The following DOCK1 variants were observed in gnomAD, a reference collection of about 807,000 sequenced individuals.
DOCK1 encodes dedicator of cytokinesis 1.
DOCK1 carries 138 observed loss-of-function variants against 262.7 expected under a neutral mutation model. The ratio of observed to expected loss-of-function variants is 0.53; its 90% CI spans 0.46 to 0.61. The LOEUF is 0.61. DOCK1 is among the 20% of genes least tolerant of loss of function. DOCK1 has a pLI of 0.00. For synonymous variants in DOCK1, 866 were observed against 867.4 expected (o/e 1.00, Z 0.03); for missense variants, 1,908 against 2,370.7 (o/e 0.80, Z 4.05).
At chr10:127,151,134 C>G (rs904885242) in intron 27 of DOCK1, among the ~76,000 whole-genome samples, 4 of 152,158 alleles carry the variant, frequency 2.6e-5, no homozygotes, top group African/African-American at 9.7e-5. Flanking sequence ...AAACTCTTAT[C>G]CAACATAATA....
At chr10:126,991,210 C>T (rs1376721442) in intron 6 of DOCK1, among the ~76,000 whole-genome samples, 2 of 152,278 alleles carry the variant, frequency 1.3e-5, no homozygotes, top group Non-Finnish European at 2.9e-5. Context: ...TAGTGCTCAC[C>T]CCTGCCTACA....
intron 23 of DOCK1, among the ~76,000 whole-genome samples, chr10:127,071,598 CATTTT>C (rs1211950552): frequency 2.0e-5 from 3 of 152,112 alleles, no homozygotes; most frequent in African/African-American, 7.2e-5. Context: ...ATTTTTTTAT[CATTTT>C]ATCACAACAC....
chr10:126,932,880 C>A (rs947775091), intron 1 of DOCK1, among the ~76,000 whole-genome samples: 39 of 152,288 alleles, frequency 2.6e-4, no homozygotes, highest in African/African-American at 9.1e-4. Flanking sequence ...AGGCCAAGAA[C>A]TGGGCCCAGT....
intron 38 of DOCK1, among the ~76,000 whole-genome samples, chr10:127,395,584 G>A (rs2066774994): frequency 6.6e-6 from 1 of 152,186 alleles, no homozygotes; most frequent in Admixed American, 6.5e-5. Context: ...AGGACCCAAT[G>A]GAAATTTCGT....
intron 27 of DOCK1, among the ~76,000 whole-genome samples, chr10:127,212,717 GA>G (rs1291757185): frequency 6.8e-6 from 1 of 147,858 alleles, no homozygotes; most frequent in Non-Finnish European, 1.5e-5. Context: ...ACCTGACCAT[GA>G]TGGCAGCTTC....
chr10:127,079,069 A>G (rs2046744459), intron 23 of DOCK1, among the ~76,000 whole-genome samples: 1 of 152,228 alleles, frequency 6.6e-6, no homozygotes, highest in South Asian at 2.1e-4. Context: ...GTTGAAAGGC[A>G]CAAATCTGAA....
chr10:127,177,449 C>A (rs1276480853), intron 27 of DOCK1, among the ~76,000 whole-genome samples: 4 of 152,212 alleles, frequency 2.6e-5, no homozygotes, highest in African/African-American at 9.6e-5. Context: ...GCGCTTAAAG[C>A]AAGAAAATAG....
intron 30 of DOCK1, among the ~76,000 whole-genome samples, chr10:127,340,603 G>A (rs932366134): frequency 2.0e-5 from 3 of 152,182 alleles, no homozygotes; most frequent in Non-Finnish European, 4.4e-5. Context: ...TATGGAAAAG[G>A]TTGATCTCTA....
At chr10:127,026,952 A>C (rs2042907857) in intron 16 of DOCK1, among the ~76,000 whole-genome samples, 1 of 152,202 alleles carries the variant, frequency 6.6e-6, no homozygotes, top group Non-Finnish European at 1.5e-5. Context: ...TGATGACTGA[A>C]ATTTGTTCCA....
chr10:127,129,634 C>A (rs757915561), intron 27 of DOCK1, among the ~76,000 whole-genome samples: 21 of 152,206 alleles, frequency 1.4e-4, no homozygotes, highest in Non-Finnish European at 2.8e-4. Context: ...GTCTGACGTT[C>A]CTGTCTTCTT....
chr10:127,345,896 C>T (rs1340969727), intron 31 of DOCK1, among the ~76,000 whole-genome samples: 3 of 152,192 alleles, frequency 2.0e-5, no homozygotes, highest in Non-Finnish European at 4.4e-5. Context: ...TGCCTTTGTG[C>T]TGGGAATTGT....
intron 1 of DOCK1, among the ~76,000 whole-genome samples, chr10:126,939,232 C>T (rs1022201085): frequency 1.3e-5 from 2 of 152,174 alleles, no homozygotes; most frequent in African/African-American, 2.4e-5. Context: ...AAGGTTTCAT[C>T]CTCCTGATTT....
intron 27 of DOCK1, among the ~76,000 whole-genome samples, chr10:127,207,384 C>G: frequency 6.6e-6 from 1 of 152,160 alleles, no homozygotes; most frequent in East Asian, 1.9e-4. Flanking sequence ...GGAATTGTCT[C>G]CAGAAATACC....
intron 1 of DOCK1, among the ~76,000 whole-genome samples, chr10:126,967,936 C>G (rs2134637168): frequency 6.6e-6 from 1 of 152,252 alleles, no homozygotes; most frequent in South Asian, 2.1e-4. Context: ...GCCTCAGCCT[C>G]CCGAGTAGCT....
At chr10:127,315,784 G>A (rs913000617) in intron 29 of DOCK1, among the ~76,000 whole-genome samples, 4 of 152,000 alleles carry the variant, frequency 2.6e-5, no homozygotes, top group Admixed American at 1.3e-4. Flanking sequence ...TGCAACCTCC[G>A]CCCTCCTGGG....
chr10:127,267,809 A>G (rs1205630703), intron 29 of DOCK1, among the ~76,000 whole-genome samples: 1 of 152,158 alleles, frequency 6.6e-6, no homozygotes, highest in African/African-American at 2.4e-5. Context: ...CGGTCCTCTC[A>G]TGCTAAGTTT....
At chr10:127,089,334 C>T (rs2047379650) in intron 23 of DOCK1, among the ~76,000 whole-genome samples, 1 of 152,154 alleles carries the variant, frequency 6.6e-6, no homozygotes, top group Admixed American at 6.5e-5. Context: ...TGGCCACTCC[C>T]TGGAGGCCCC....
chr10:126,974,444 G>C (rs977899987), intron 2 of DOCK1, among the ~76,000 whole-genome samples: 1 of 152,172 alleles, frequency 6.6e-6, no homozygotes, highest in African/African-American at 2.4e-5. Flanking sequence ...TTTGGGACCT[G>C]TGTCTTGCCT....
chr10:127,025,941 A>G (rs1233981539), intron 15 of DOCK1: 1 of 213,616 alleles, frequency 4.7e-6, no homozygotes, highest in Non-Finnish European at 9.2e-6. Context: ...CTGTAATCCC[A>G]GCTACTCGAG....
Sources: gnomAD v4.1 joint callset for allele counts (sites outside exome capture counted in the v4.1 genomes callset) on GRCh38, gnomAD v4.1.1 for gene constraint, MANE v1.5 for transcripts, NCBI Gene and HGNC (gene_info 2026-07-23, HGNC 2026-07-21) for gene names.